Variants in MAGI1 observed in about 807,000 individuals in gnomAD.
The protein encoded by MAGI1 is membrane-associated guanylate kinase, WW and PDZ domain-containing protein 1.
MAGI1 carries 58 observed loss-of-function variants against 139.9 expected under a neutral mutation model. The ratio of observed to expected loss-of-function variants is 0.41; its 90% CI spans 0.34 to 0.52. MAGI1 has a LOEUF of 0.52. Among genes scored for constraint, MAGI1 ranks in the 20% least tolerant of loss-of-function variants. MAGI1 has a pLI of 0.12. For missense variants in MAGI1, 1,874 were observed against 1,901.6 expected, an observed-to-expected ratio of 0.99 and a Z score of 0.27; for synonymous variants, 812 against 737.9, an observed-to-expected ratio of 1.10 and a Z score of -1.63.
At chr3:65,383,898 T>C (rs1943249392) in intron 14 of MAGI1, among the ~76,000 whole-genome samples, 1 of 152,160 alleles carries the variant, frequency 6.6e-6, no homozygotes, top group Admixed American at 6.5e-5. Context: ...TAACTACAAA[T>C]AGTCAGCATT....
At chr3:66,016,195 C>G (rs2067627401) in intron 1 of MAGI1, among the ~76,000 whole-genome samples, 1 of 152,170 alleles carries the variant, frequency 6.6e-6, no homozygotes, top group South Asian at 2.1e-4. Flanking sequence ...ATGGTAATAA[C>G]TATCAGTCAT....
intron 1 of MAGI1, among the ~76,000 whole-genome samples, chr3:65,622,439 T>A (rs2083733213): frequency 6.6e-6 from 1 of 152,166 alleles, no homozygotes; most frequent in South Asian, 2.1e-4. Flanking sequence ...AAGAAGACAA[T>A]CCAGCAATAA....
chr3:65,384,780 G>GGTGT (rs3072935), intron 14 of MAGI1, among the ~76,000 whole-genome samples: 13,646 of 147,820 alleles, frequency 0.092, 683 homozygotes, highest in African/African-American at 0.12. Flanking sequence ...TATAGGAAGG[G>GGTGT]GTGTGTGTGT....
chr3:65,810,715 C>T (rs2041173850), intron 1 of MAGI1, among the ~76,000 whole-genome samples: 1 of 152,168 alleles, frequency 6.6e-6, no homozygotes, highest in Non-Finnish European at 1.5e-5. Flanking sequence ...CGAGGGAAAG[C>T]CCGCACTCCA....
intron 16 of MAGI1, 87 bp from the exon 17 acceptor site, chr3:65,379,641 A>C: frequency 1.3e-6 from 2 of 1,533,804 alleles, no homozygotes; most frequent in Non-Finnish European, 1.8e-6. Flanking sequence ...AACTCCTGCT[A>C]GAAATCAAAA....
intron 15 of MAGI1, 42 bp downstream of exon 15, chr3:65,383,490 T>A: frequency 6.7e-7 from 1 of 1,498,576 alleles, no homozygotes; most frequent in Non-Finnish European, 9.3e-7. Flanking sequence ...CTTTGAAGCC[T>A]TAGAAAAATA....
intron 1 of MAGI1, among the ~76,000 whole-genome samples, chr3:65,929,223 C>T (rs1443372929): frequency 3.3e-5 from 5 of 152,074 alleles, no homozygotes; most frequent in Non-Finnish European, 4.4e-5. Flanking sequence ...TTTGGGACAA[C>T]CTATCTATAT....
chr3:65,621,159 A>T (rs1370363490), intron 2 of MAGI1, among the ~76,000 whole-genome samples: 1 of 152,190 alleles, frequency 6.6e-6, no homozygotes, highest in Non-Finnish European at 1.5e-5. Context: ...GATAGAGAGG[A>T]GAAAGGAAAA....
Position 65,915,931 on chromosome 3 carries a change from T to C in MAGI1, c.313+122065A>G, listed in dbSNP as rs144687424. On this transcript the variant is annotated intron_variant, in intron 1 of 22. Transcript: ENST00000402939. ...ATGCAAATTTGTGTATTTATTATCA[T>C]TTCTGTGTAAGAAATACATATACAT... Among the ~76,000 whole-genome samples the C allele has an allele frequency of 2.5e-3, 372 of 151,410 alleles. 2 individuals carry two copies. The highest frequency in any genetic ancestry group is 7.9e-3 in the African/African-American group (327 of 41,336).
At chr3:65,531,948 C>T (rs886976897) in intron 2 of MAGI1, among the ~76,000 whole-genome samples, 2 of 152,144 alleles carry the variant, frequency 1.3e-5, no homozygotes, top group African/African-American at 4.8e-5. Context: ...TCCCTTAGCC[C>T]TGCACTTACA....
At chr3:65,676,996 C>A (rs1329315381) in intron 1 of MAGI1, among the ~76,000 whole-genome samples, 2 of 152,154 alleles carry the variant, frequency 1.3e-5, no homozygotes, top group South Asian at 2.1e-4. Context: ...GACTCCCGTG[C>A]TCTTGGTATT....
chr3:65,618,043 C>T (rs927150293), intron 2 of MAGI1, among the ~76,000 whole-genome samples: 1 of 152,086 alleles, frequency 6.6e-6, no homozygotes, highest in African/African-American at 2.4e-5. Flanking sequence ...GCAGAAGCAA[C>T]GGAGGACTTC....
At chr3:65,726,558 T>C (rs2033629782) in intron 1 of MAGI1, among the ~76,000 whole-genome samples, 1 of 152,194 alleles carries the variant, frequency 6.6e-6, no homozygotes, top group African/African-American at 2.4e-5. Flanking sequence ...CAGAAATCTC[T>C]AAATAATGCC....
chr3:65,815,827 G>C (rs1177807328), intron 1 of MAGI1, among the ~76,000 whole-genome samples: 1 of 151,988 alleles, frequency 6.6e-6, no homozygotes, highest in African/African-American at 2.4e-5. Flanking sequence ...TACACATGAA[G>C]TAACAAAAGC....
Position 65,964,393 on chromosome 3 carries a change from A to G in MAGI1, c.313+73603T>C, listed in dbSNP as rs141835515. 2.4e-3 allele frequency among the ~76,000 whole-genome samples: 373 copies of G among 152,300 alleles called. 5 individuals carry two copies. The highest frequency in any genetic ancestry group is 5.2e-3 in the Admixed American group (79 of 15,304). Reference sequence around the variant, plus strand: ...AATCACCTTGACACTCCAAACAGGGACTTATATCTGTGGGTCAGAGAGTGA... The same window carrying G: ...AATCACCTTGACACTCCAAACAGGGGCTTATATCTGTGGGTCAGAGAGTGA... On this transcript the variant is annotated intron_variant, in intron 1 of 22. Transcript: ENST00000402939.
At chr3:65,914,585 G>A (rs983296652) in intron 1 of MAGI1, among the ~76,000 whole-genome samples, 3 of 152,190 alleles carry the variant, frequency 2.0e-5, no homozygotes, top group African/African-American at 2.4e-5. Flanking sequence ...AACAAAACAG[G>A]TGCAGTCCAA....
intron 2 of MAGI1, among the ~76,000 whole-genome samples, chr3:65,572,729 T>C (rs1347833719): frequency 6.6e-6 from 1 of 151,978 alleles, no homozygotes; most frequent in Non-Finnish European, 1.5e-5. Context: ...AACAATATTG[T>C]CCCATAAGTA....
intron 1 of MAGI1, among the ~76,000 whole-genome samples, chr3:65,962,046 C>T (rs1436089687): frequency 6.6e-6 from 1 of 151,968 alleles, no homozygotes; most frequent in South Asian, 2.1e-4. Context: ...CTCCTCCTAT[C>T]CGTCATATCA....
In MAGI1 at chr3:65,843,088, G is replaced by A. The variant is rs562544189; in HGVS notation, c.313+194908C>T. ...CCTGAATACTTTTCTCTCCATAAAT[G>A]TAGTACTGGCTTATTGACTCAATTC... On this transcript the variant is annotated intron_variant, in intron 1 of 22. Coordinates refer to ENST00000402939, the MANE Select transcript of MAGI1 (RefSeq NM_001033057.2). Among the ~76,000 whole-genome samples the A allele has an allele frequency of 8.9e-4, 136 of 152,218 alleles. 4 individuals carry two copies. In the South Asian group the frequency reaches 0.027, roughly 31 times the overall value.
Sources: allele counts gnomAD v4.1 joint callset (sites outside exome capture counted in the v4.1 genomes callset), GRCh38; gene constraint gnomAD v4.1.1; transcripts MANE v1.5; gene names NCBI Gene and HGNC (gene_info 2026-07-23, HGNC 2026-07-21).